Variants in LUZP2 observed in about 807,000 individuals in gnomAD.
The protein encoded by LUZP2 is leucine zipper protein 2.
LUZP2 carries 52 observed loss-of-function variants against 51.6 expected under a neutral mutation model. That is an observed-to-expected ratio of 1.01 (90% CI 0.81 to 1.27). The LOEUF is 1.27. Ranked by LOEUF, LUZP2 falls within the 50% of genes most tolerant of loss-of-function variation. LUZP2 has a pLI of 0.00. For synonymous variants in LUZP2, 154 were observed against 137.3 expected, an observed-to-expected ratio of 1.12 and a Z score of -0.85; for missense variants, 436 against 395.4, an observed-to-expected ratio of 1.10 and a Z score of -0.87.
chr11:24,497,200 A>AGG lies in LUZP2; in HGVS notation c.-43_-42insGG. 1 of 1,497,876 alleles carries AGG rather than the reference A, an allele frequency of 6.7e-7. No homozygotes were observed. The highest frequency in any genetic ancestry group is 9.0e-7 in the Non-Finnish European group (1 of 1,112,450). The allele number at this position is 1,497,876 out of a possible 1,614,324, so 92.8% of individuals were successfully genotyped here. The stretch of plus-strand genomic sequence containing the variant: ...AGGAGCGACAGGATCCCGAAGAGAG[A>AGG]GAGAGAAGGCAGCGAGGGAAGGAGG... On this transcript the variant is annotated 5_prime_UTR_variant, in exon 1 of 12. Transcript: ENST00000336930.
At chr11:25,040,716 G>A (rs145027364) in intron 9 of LUZP2, among the ~76,000 whole-genome samples, 18 of 152,266 alleles carry the variant, frequency 1.2e-4, no homozygotes, top group Non-Finnish European at 2.4e-4. Context: ...AATGCTCAAT[G>A]TGATGAGTTG....
chr11:24,722,917 A>G (rs555409668), intron 1 of LUZP2, among the ~76,000 whole-genome samples: 2 of 148,144 alleles, frequency 1.4e-5, no homozygotes, highest in East Asian at 3.9e-4. Flanking sequence ...ACCTCATATT[A>G]AAAAAAAAAG....
intron 1 of LUZP2, among the ~76,000 whole-genome samples, chr11:24,625,422 A>T (rs1309805195): frequency 6.6e-6 from 1 of 152,020 alleles, no homozygotes; most frequent in Admixed American, 6.6e-5. Flanking sequence ...AAATAAAGAA[A>T]ATGCTAACTA....
chr11:24,721,696 T>C (rs1858276483), intron 1 of LUZP2, among the ~76,000 whole-genome samples: 1 of 152,142 alleles, frequency 6.6e-6, no homozygotes. Flanking sequence ...TATGAAATGT[T>C]TATGGAGCAG....
intron 1 of LUZP2, among the ~76,000 whole-genome samples, chr11:24,693,877 T>C (rs1857157261): frequency 6.6e-6 from 1 of 151,866 alleles, no homozygotes; most frequent in South Asian, 2.1e-4. Flanking sequence ...ATGCCTACCC[T>C]CTCCAGTTTC....
rs74704323 is a variant in LUZP2, at chr11:24,627,592, A to G, written c.63-101577A>G. 2.4e-4 allele frequency among the ~76,000 whole-genome samples: 37 copies of G among 152,370 alleles called. No homozygotes were observed. The East Asian group carries it at 6.4e-3, about 26-fold the overall frequency. On this transcript the variant is annotated intron_variant, in intron 1 of 11. Coordinates refer to ENST00000336930, the MANE Select transcript of LUZP2 (RefSeq NM_001009909.4). The stretch of plus-strand genomic sequence containing the variant: ...TTGCTTTACCGAGTAGAGGCAGAAC[A>G]TGAAATCCAGATATTCGCTTGCAGT...
At chr11:24,930,999 G>A (rs1377285820) in intron 7 of LUZP2, among the ~76,000 whole-genome samples, 1 of 151,946 alleles carries the variant, frequency 6.6e-6, no homozygotes, top group Non-Finnish European at 1.5e-5. Context: ...GGATCACGAG[G>A]TCAGAAGATC....
In LUZP2 at chr11:24,855,598, A is replaced by C. The variant is rs555491582; in HGVS notation, c.397-50393A>C. Among the ~76,000 whole-genome samples the C allele has an allele frequency of 3.5e-4, 54 of 152,346 alleles. 1 individual carries two copies. Among genetic ancestry groups the C allele is most frequent in the Admixed American group, 1.6e-3 (25 of 15,304 alleles). On this transcript the variant is annotated intron_variant, in intron 5 of 11. Coordinates refer to ENST00000336930, the MANE Select transcript of LUZP2 (RefSeq NM_001009909.4). ...TCAAACTACCAAGATCATTCTTCAC[A>C]GAATTAGAAAATACTGTTTTAACAT...
At chr11:24,790,305 A>G (rs118057971) in intron 5 of LUZP2, among the ~76,000 whole-genome samples, 469 of 152,254 alleles carry the variant, frequency 3.1e-3, no homozygotes, top group Non-Finnish European at 5.2e-3. Context: ...TCTGTTTAAG[A>G]TCAGTAACTC....
chr11:24,572,118 A>G (rs928885492), intron 1 of LUZP2, among the ~76,000 whole-genome samples: 1 of 152,026 alleles, frequency 6.6e-6, no homozygotes, highest in African/African-American at 2.4e-5. Context: ...AAGCCCAATA[A>G]ATAGTGAAGT....
chr11:24,652,459 GT>G (rs1163848430), intron 1 of LUZP2, among the ~76,000 whole-genome samples: 8 of 152,046 alleles, frequency 5.3e-5, no homozygotes, highest in Admixed American at 1.3e-4. Flanking sequence ...TCACATATAT[GT>G]AGAGAGAAAT....
chr11:24,585,009 TAA>T (rs747365267), intron 1 of LUZP2, among the ~76,000 whole-genome samples: 1 of 152,156 alleles, frequency 6.6e-6, no homozygotes, highest in Non-Finnish European at 1.5e-5. Context: ...TTTTTATCAA[TAA>T]GGAATTATTT....
chr11:24,824,151 G>T (rs1850446762), intron 5 of LUZP2, among the ~76,000 whole-genome samples: 1 of 151,568 alleles, frequency 6.6e-6, no homozygotes, highest in Non-Finnish European at 1.5e-5. Context: ...ATCACCTGAG[G>T]TCGGGAGTTC....
chr11:24,970,348 A>G (rs1855708232), intron 7 of LUZP2, among the ~76,000 whole-genome samples: 1 of 152,174 alleles, frequency 6.6e-6, no homozygotes, highest in Non-Finnish European at 1.5e-5. Flanking sequence ...AGATTTTATT[A>G]CTTTTAATGT....
intron 1 of LUZP2, among the ~76,000 whole-genome samples, chr11:24,515,029 C>A (rs1850421253): frequency 6.6e-6 from 1 of 152,162 alleles, no homozygotes; most frequent in South Asian, 2.1e-4. Context: ...CTGATTTGAG[C>A]TCTTAATGCT....
intron 9 of LUZP2, among the ~76,000 whole-genome samples, chr11:24,983,609 C>T (rs1301612866): frequency 4.6e-5 from 7 of 151,594 alleles, no homozygotes; most frequent in Non-Finnish European, 1.0e-4. Context: ...AAATAAACAT[C>T]ACAGGTTTGA....
chr11:24,755,007 A>T (rs1383780670), intron 4 of LUZP2, among the ~76,000 whole-genome samples: 3 of 152,020 alleles, frequency 2.0e-5, no homozygotes. Flanking sequence ...TTAGCTGGGC[A>T]TAGTGGCGGG....
intron 1 of LUZP2, among the ~76,000 whole-genome samples, chr11:24,551,437 G>A (rs73431127): frequency 0.016 from 2,386 of 152,064 alleles, 59 homozygotes; most frequent in African/African-American, 0.055. Context: ...GGGCTTGAGT[G>A]GGGGAAGGAG....
intron 1 of LUZP2, among the ~76,000 whole-genome samples, chr11:24,660,050 A>G (rs904421664): frequency 3.9e-5 from 6 of 152,292 alleles, no homozygotes; most frequent in African/African-American, 1.4e-4. Flanking sequence ...AAGAGGATCT[A>G]AAGTTCAGAG....
Sources: allele counts gnomAD v4.1 joint callset (sites outside exome capture counted in the v4.1 genomes callset), GRCh38; gene constraint gnomAD v4.1.1; transcripts MANE v1.5; gene names NCBI Gene and HGNC (gene_info 2026-07-23, HGNC 2026-07-21).